The following POU6F2 variants were observed in gnomAD, a reference collection of about 807,000 sequenced individuals.
POU6F2 encodes the protein POU class 6 homeobox 2.
Under a neutral mutation model 71.3 loss-of-function variants are expected in POU6F2, and 31 were observed. The ratio of observed to expected loss-of-function variants is 0.43; its 90% CI spans 0.33 to 0.59. The LOEUF (loss-of-function observed/expected upper bound fraction) is 0.59, where lower values mean the gene tolerates loss of function less well. Ranked by LOEUF, POU6F2 falls within the 20% of genes least tolerant of loss-of-function variation. The pLI is 0.04. For missense variants in POU6F2, 783 were observed against 856.8 expected, an observed-to-expected ratio of 0.91 and a Z score of 1.07; for synonymous variants, 347 against 355.7, an observed-to-expected ratio of 0.98 and a Z score of 0.27.
intron 5 of POU6F2, among the ~76,000 whole-genome samples, chr7:39,397,882 G>A (rs1244427942): frequency 9.2e-5 from 13 of 140,678 alleles, no homozygotes; most frequent in African/African-American, 3.3e-4. Flanking sequence ...GCAGTGGTGC[G>A]ATCTCGGCTC....
In POU6F2 at chr7:39,009,038, C is replaced by A. The variant is rs1389091648; in HGVS notation, c.105+30980C>A. 3.9e-5 allele frequency among the ~76,000 whole-genome samples: 6 copies of A among 152,028 alleles called. No individual in the cohort carries two copies. In the East Asian group the frequency reaches 5.8e-4, roughly 15 times the overall value. On this transcript the variant is annotated intron_variant, in intron 1 of 9. Coordinates refer to ENST00000518318, the MANE Select transcript of POU6F2 (RefSeq NM_001370959.1). The stretch of plus-strand genomic sequence containing the variant: ...TTTGGTTCCATATGAACTTTAAAGT[C>A]GTTTTTTCCAATTCAGTGAAGAAAG...
At chr7:39,284,181 T>G (rs1784613105) in intron 4 of POU6F2, among the ~76,000 whole-genome samples, 1 of 152,212 alleles carries the variant, frequency 6.6e-6, no homozygotes, top group African/African-American at 2.4e-5. Flanking sequence ...AGATACTTGG[T>G]CTGTATATTG....
intron 5 of POU6F2, among the ~76,000 whole-genome samples, chr7:39,354,230 G>A (rs1427329070): frequency 6.6e-6 from 1 of 152,200 alleles, no homozygotes; most frequent in African/African-American, 2.4e-5. Flanking sequence ...TCAGCCGGGC[G>A]GGCCTGGGGC....
At chr7:39,266,949 C>G (rs1311919424) in intron 4 of POU6F2, among the ~76,000 whole-genome samples, 1 of 152,006 alleles carries the variant, frequency 6.6e-6, no homozygotes, top group Non-Finnish European at 1.5e-5. Flanking sequence ...ACTTATTCCC[C>G]CTATGTAGTG....
intron 1 of POU6F2, among the ~76,000 whole-genome samples, chr7:39,029,047 C>T (rs1254739150): frequency 6.6e-6 from 1 of 152,076 alleles, no homozygotes; most frequent in Non-Finnish European, 1.5e-5. Context: ...TTCTGGAACT[C>T]CTGGGCTCAA....
At chr7:39,202,346 A>G (rs974594752) in intron 2 of POU6F2, among the ~76,000 whole-genome samples, 8 of 152,162 alleles carry the variant, frequency 5.3e-5, no homozygotes, top group Admixed American at 3.3e-4. Flanking sequence ...GCAGGTATTC[A>G]TTTTCTAATT....
chr7:39,141,995 AAT>A (rs1792513478), intron 2 of POU6F2, among the ~76,000 whole-genome samples: 1 of 152,102 alleles, frequency 6.6e-6, no homozygotes, highest in African/African-American at 2.4e-5. Flanking sequence ...GCTGAGGCAG[AAT>A]AATCACTTGA....
chr7:39,297,985 T>A (rs4723845), intron 4 of POU6F2, among the ~76,000 whole-genome samples: 21 of 152,064 alleles, frequency 1.4e-4, no homozygotes, highest in African/African-American at 4.8e-4. Flanking sequence ...CTTCCTTATA[T>A]CTTATACAAA....
chr7:39,361,619 G>A (rs1786391536), intron 5 of POU6F2, among the ~76,000 whole-genome samples: 1 of 152,200 alleles, frequency 6.6e-6, no homozygotes, highest in Admixed American at 6.5e-5. Context: ...TAATGTGTTA[G>A]TAACATGTAC....
chr7:39,169,957 C>T (rs1447361405), intron 2 of POU6F2, among the ~76,000 whole-genome samples: 1 of 152,112 alleles, frequency 6.6e-6, no homozygotes, highest in Non-Finnish European at 1.5e-5. Context: ...CCAAGATGGG[C>T]GGATCACTTG....
chr7:39,321,788 G>A (rs1022251354), intron 4 of POU6F2, among the ~76,000 whole-genome samples: 1 of 151,688 alleles, frequency 6.6e-6, no homozygotes, highest in Non-Finnish European at 1.5e-5. Context: ...AAGGAAGGGA[G>A]GAAAATGGAG....
chr7:39,442,624 C>A (rs1026735684), intron 7 of POU6F2, among the ~76,000 whole-genome samples: 4 of 152,174 alleles, frequency 2.6e-5, no homozygotes, highest in Non-Finnish European at 4.4e-5. Flanking sequence ...TGATTCTCTA[C>A]CTTCTAAGTG....
At chr7:39,298,493 G>T (rs1784893557) in intron 4 of POU6F2, among the ~76,000 whole-genome samples, 1 of 152,036 alleles carries the variant, frequency 6.6e-6, no homozygotes. Context: ...CAATAAAAAA[G>T]GCAAGAAACA....
At chr7:39,060,100 C>T (rs1487056637) in intron 1 of POU6F2, among the ~76,000 whole-genome samples, 27 of 151,674 alleles carry the variant, frequency 1.8e-4, no homozygotes, top group African/African-American at 5.1e-4. Flanking sequence ...CCCAGCTACT[C>T]GAGAGGCTGA....
intron 6 of POU6F2, among the ~76,000 whole-genome samples, chr7:39,410,537 C>T (rs765759646): frequency 2.6e-5 from 4 of 152,096 alleles, no homozygotes; most frequent in East Asian, 1.9e-4. Context: ...GGCAATGGAA[C>T]GGGTGCTAGC....
chr7:39,204,484 T>C (rs1793966749), intron 3 of POU6F2, among the ~76,000 whole-genome samples, 158 bp downstream of exon 3: 1 of 152,184 alleles, frequency 6.6e-6, no homozygotes, highest in Admixed American at 6.5e-5. Flanking sequence ...ACATTATTTA[T>C]TAAATACCAC....
chr7:39,381,790 C>T (rs1003205958), intron 5 of POU6F2, among the ~76,000 whole-genome samples: 6 of 152,126 alleles, frequency 3.9e-5, no homozygotes, highest in African/African-American at 1.4e-4. Context: ...GAAATGGATT[C>T]CTATAATCAG....
At chr7:39,416,415 C>T (rs1787677358) in intron 6 of POU6F2, among the ~76,000 whole-genome samples, 1 of 152,142 alleles carries the variant, frequency 6.6e-6, no homozygotes, top group South Asian at 2.1e-4. Flanking sequence ...GGGCACTCAT[C>T]AAATGAGCCT....
intron 6 of POU6F2, among the ~76,000 whole-genome samples, chr7:39,414,504 G>A (rs1327351708): frequency 1.3e-5 from 2 of 152,170 alleles, no homozygotes; most frequent in Non-Finnish European, 2.9e-5. Context: ...CCTGAGGCCT[G>A]GGACCCTCTT....
Sources: gnomAD v4.1 joint callset for allele counts (sites outside exome capture counted in the v4.1 genomes callset) on GRCh38, gnomAD v4.1.1 for gene constraint, MANE v1.5 for transcripts, NCBI Gene and HGNC (gene_info 2026-07-23, HGNC 2026-07-21) for gene names.